Variants in ZMAT4 observed in about 807,000 individuals in gnomAD.
ZMAT4 encodes zinc finger matrin-type protein 4.
ZMAT4 carries 17 observed loss-of-function variants against 28.7 expected under a neutral mutation model. The ratio of observed to expected loss-of-function variants is 0.59; its 90% CI spans 0.41 to 0.89. The LOEUF is 0.89. ZMAT4 is among the 40% of genes least tolerant of loss of function. The probability of loss-of-function intolerance (pLI) is 0.00; values close to 1 mark genes in which losing one functional copy is unlikely to be tolerated. For synonymous variants in ZMAT4, 117 were observed against 109.2 expected, an observed-to-expected ratio of 1.07 and a Z score of -0.44; for missense variants, 240 against 283.8, an observed-to-expected ratio of 0.85 and a Z score of 1.11.
intron 2 of ZMAT4, among the ~76,000 whole-genome samples, chr8:40,802,319 T>C (rs895095910): frequency 6.6e-6 from 1 of 152,172 alleles, no homozygotes; most frequent in Non-Finnish European, 1.5e-5. Flanking sequence ...ATTGTTTTTA[T>C]AAAAGATCTC....
chr8:40,711,094 A>G (rs1360526489), intron 3 of ZMAT4, among the ~76,000 whole-genome samples: 2 of 152,110 alleles, frequency 1.3e-5, no homozygotes, highest in Non-Finnish European at 2.9e-5. Context: ...AAGATTTTTC[A>G]AATAGCTCCA....
intron 5 of ZMAT4, among the ~76,000 whole-genome samples, chr8:40,624,796 G>T (rs1806312629): frequency 6.6e-6 from 1 of 152,154 alleles, no homozygotes. Context: ...CAGTCAGTCA[G>T]TCAACAAATA....
intron 1 of ZMAT4, among the ~76,000 whole-genome samples, chr8:40,832,397 C>T (rs1454134269): frequency 6.6e-6 from 1 of 152,142 alleles, no homozygotes; most frequent in East Asian, 1.9e-4. Context: ...CCTCTGCAAC[C>T]TTACTCACCC....
intron 5 of ZMAT4, among the ~76,000 whole-genome samples, chr8:40,588,892 C>G (rs1439454553): frequency 6.6e-6 from 1 of 152,114 alleles, no homozygotes; most frequent in Non-Finnish European, 1.5e-5. Context: ...ACCCCAATGC[C>G]CATCAACACA....
intron 3 of ZMAT4, among the ~76,000 whole-genome samples, chr8:40,709,787 C>T (rs992887813): frequency 7.2e-5 from 11 of 152,116 alleles, no homozygotes; most frequent in African/African-American, 2.7e-4. Flanking sequence ...GCCTGTAATC[C>T]CAGGACTCTG....
chr8:40,564,423 A>G (rs1803848462), intron 6 of ZMAT4, among the ~76,000 whole-genome samples: 1 of 152,146 alleles, frequency 6.6e-6, no homozygotes, highest in Non-Finnish European at 1.5e-5. Flanking sequence ...ATGACACTCT[A>G]TATTTCAGTC....
chr8:40,748,137 C>G (rs1812314505), intron 3 of ZMAT4, among the ~76,000 whole-genome samples: 1 of 152,124 alleles, frequency 6.6e-6, no homozygotes. Context: ...AGGAAAATGC[C>G]TTTTTCCATC....
At chr8:40,731,404 C>T (rs1811535017) in intron 3 of ZMAT4, among the ~76,000 whole-genome samples, 1 of 128,128 alleles carries the variant, frequency 7.8e-6, no homozygotes, top group Middle Eastern at 3.8e-3. Context: ...GGCACAGAGA[C>T]AGCCTACAAT....
intron 5 of ZMAT4, among the ~76,000 whole-genome samples, chr8:40,643,789 CA>C (rs11416412): frequency 0.21 from 29,234 of 137,500 alleles, 3,165 homozygotes; most frequent in Non-Finnish European, 0.27. Flanking sequence ...TGTGTGTGTG[CA>C]AAAAAAAAAA....
intron 6 of ZMAT4, among the ~76,000 whole-genome samples, chr8:40,570,126 G>A (rs908636877): frequency 1.2e-4 from 19 of 152,116 alleles, no homozygotes; most frequent in African/African-American, 4.6e-4. Flanking sequence ...AGCAGAAGCA[G>A]CCAGACAAAA....
intron 1 of ZMAT4, chr8:40,884,459 C>G (rs1229040395): frequency 6.6e-6 from 1 of 151,730 alleles, no homozygotes; most frequent in African/African-American, 2.4e-5. Context: ...CAGCTCCACT[C>G]CTCCATGAAG....
chr8:40,874,375 C>T (rs769235304), intron 1 of ZMAT4, among the ~76,000 whole-genome samples: 99 of 152,310 alleles, frequency 6.5e-4, no homozygotes, highest in Admixed American at 1.5e-3. Context: ...TGGGTGGTGG[C>T]TATTTAGTGG....
intron 3 of ZMAT4, among the ~76,000 whole-genome samples, chr8:40,738,546 T>A (rs1038763017): frequency 9.9e-5 from 15 of 152,134 alleles, no homozygotes; most frequent in Non-Finnish European, 1.3e-4. Context: ...TTGCACTGAG[T>A]AAAAGCATGC....
chr8:40,877,070 T>A (rs1279146401), intron 1 of ZMAT4, among the ~76,000 whole-genome samples: 1 of 152,146 alleles, frequency 6.6e-6, no homozygotes, highest in African/African-American at 2.4e-5. Flanking sequence ...TGGGCTGTAA[T>A]CTAAAATGAC....
intron 6 of ZMAT4, among the ~76,000 whole-genome samples, chr8:40,550,869 T>G (rs1303246636): frequency 6.6e-6 from 1 of 152,212 alleles, no homozygotes; most frequent in African/African-American, 2.4e-5. Context: ...ATACCTACTT[T>G]TTAGTCGACA....
chr8:40,682,506 T>C (rs1360656055), intron 4 of ZMAT4, among the ~76,000 whole-genome samples: 2 of 152,224 alleles, frequency 1.3e-5, no homozygotes, highest in East Asian at 1.9e-4. Flanking sequence ...TCACATGATA[T>C]GTCTGGATGC....
chr8:40,695,191 A>G (rs1001944747), intron 4 of ZMAT4, among the ~76,000 whole-genome samples: 11 of 152,188 alleles, frequency 7.2e-5, no homozygotes, highest in African/African-American at 2.4e-4. Flanking sequence ...ATACATTTGC[A>G]TGTCTTTTCT....
intron 3 of ZMAT4, among the ~76,000 whole-genome samples, chr8:40,766,684 G>A (rs541166531): frequency 6.6e-6 from 1 of 152,316 alleles, no homozygotes; most frequent in South Asian, 2.1e-4. Flanking sequence ...CTTAGAATTT[G>A]TTAAAAACAC....
Position 40,781,761 on chromosome 8 carries a change from C to CAAAAAAAA in ZMAT4, c.103-14039_103-14032dup, listed in dbSNP as rs59432510. On this transcript the variant is annotated intron_variant, in intron 2 of 6. Coordinates refer to ENST00000297737, the MANE Select transcript of ZMAT4 (RefSeq NM_024645.3). Reference sequence around the variant, plus strand: ...TGGGCAACAGAGCGAGACTCCGTCTCAAAAAAAAAAAAAAAAAAAAAAAAA... The same window carrying CAAAAAAAA: ...TGGGCAACAGAGCGAGACTCCGTCTCAAAAAAAAAAAAAAAAAAAAAAAAAAAAAAAAA... 5.1e-3 allele frequency among the ~76,000 whole-genome samples: 195 copies of CAAAAAAAA among 38,514 alleles called. 10 individuals carry two copies. The highest frequency in any genetic ancestry group is 8.2e-3 in the Non-Finnish European group (146 of 17,796). 25.3% of individuals were successfully genotyped at this position (38,514 alleles called of 152,430 possible).
Sources: gnomAD v4.1 joint callset for allele counts (sites outside exome capture counted in the v4.1 genomes callset) on GRCh38, gnomAD v4.1.1 for gene constraint, MANE v1.5 for transcripts, NCBI Gene and HGNC (gene_info 2026-07-23, HGNC 2026-07-21) for gene names.